Variants in SLC25A48 observed in about 807,000 individuals in gnomAD.
The protein encoded by SLC25A48 is solute carrier family 25 member 48.
SLC25A48 carries 29 observed loss-of-function variants against 32.2 expected under a neutral mutation model. The observed-to-expected ratio is 0.90, with a 90% CI of 0.67 to 1.23. The LOEUF is 1.23. SLC25A48 is among the 50% of genes most tolerant of loss of function. The pLI, the probability that SLC25A48 is intolerant of heterozygous loss-of-function variation, is 0.00. For missense variants in SLC25A48, 399 were observed against 422.7 expected (o/e 0.94, Z 0.49); for synonymous variants, 164 against 172.3 (o/e 0.95, Z 0.38).
At chr5:135,680,028 A>C (rs898769308) in intron 3 of SLC25A48, among the ~76,000 whole-genome samples, 2 of 151,886 alleles carry the variant, frequency 1.3e-5, no homozygotes, top group African/African-American at 4.8e-5. Context: ...CCTTTTTTGC[A>C]CTGGGTTGCC....
intron 3 of SLC25A48, among the ~76,000 whole-genome samples, chr5:135,774,776 AGAG>A (rs1756505366): frequency 6.6e-6 from 1 of 151,524 alleles, no homozygotes; most frequent in Non-Finnish European, 1.5e-5. Context: ...CATAATATCC[AGAG>A]GAGAAGAAGA....
intron 3 of SLC25A48, among the ~76,000 whole-genome samples, chr5:135,780,206 C>T (rs1215021453): frequency 1.1e-5 from 1 of 87,716 alleles, no homozygotes; most frequent in Non-Finnish European, 2.7e-5. Context: ...CCTGCCTCAG[C>T]CTCTCAAGTA....
At chr5:135,589,797 C>T (rs144842632) in intron 1 of SLC25A48, among the ~76,000 whole-genome samples, 1,726 of 152,256 alleles carry the variant, frequency 0.011, 29 homozygotes, top group African/African-American at 0.038. Flanking sequence ...TGGGTTCAAG[C>T]GATTCTCCTG....
chr5:135,607,101 A>G (rs1023664470), intron 1 of SLC25A48, among the ~76,000 whole-genome samples: 1 of 152,050 alleles, frequency 6.6e-6, no homozygotes, highest in African/African-American at 2.4e-5. Context: ...CCTCCTTCTC[A>G]TGCCCCATGG....
intron 3 of SLC25A48, among the ~76,000 whole-genome samples, chr5:135,748,782 G>A (rs957062841): frequency 2.8e-5 from 4 of 142,558 alleles, no homozygotes; most frequent in Non-Finnish European, 6.1e-5. Flanking sequence ...GCAATGGCAC[G>A]ATACTGGCTC....
chr5:135,644,968 A>T (rs538276749), intron 3 of SLC25A48, among the ~76,000 whole-genome samples: 1,839 of 151,564 alleles, frequency 0.012, 50 homozygotes, highest in African/African-American at 0.042. Flanking sequence ...AAATACAAGA[A>T]CTCTTGTATT....
At chr5:135,672,165 A>G (rs1175210606) in intron 3 of SLC25A48, among the ~76,000 whole-genome samples, 3 of 152,228 alleles carry the variant, frequency 2.0e-5, no homozygotes, top group South Asian at 4.1e-4. Flanking sequence ...AGGAAGTTAC[A>G]GCCTCGGAAA....
chr5:135,868,289 G>A (rs951898497), intron 4 of SLC25A48, among the ~76,000 whole-genome samples: 1 of 152,098 alleles, frequency 6.6e-6, no homozygotes, highest in African/African-American at 2.4e-5. Flanking sequence ...GACAAACCCC[G>A]AATCAGGAAA....
chr5:135,807,133 T>C (rs949126508), intron 3 of SLC25A48, among the ~76,000 whole-genome samples: 2 of 150,756 alleles, frequency 1.3e-5, no homozygotes, highest in African/African-American at 4.8e-5. Flanking sequence ...ATCAAAGATA[T>C]CTTATGAATA....
intron 1 of SLC25A48, among the ~76,000 whole-genome samples, chr5:135,619,788 T>C (rs768653313): frequency 2.0e-5 from 3 of 152,192 alleles, no homozygotes; most frequent in Non-Finnish European, 2.9e-5. Flanking sequence ...ATGATTTTCT[T>C]GGTGGCTTGG....
At chr5:135,843,195 G>T (rs770084495) in intron 2 of SLC25A48, among the ~76,000 whole-genome samples, 1 of 152,180 alleles carries the variant, frequency 6.6e-6, no homozygotes, top group African/African-American at 2.4e-5. Context: ...CTCCCCAGGG[G>T]ACATCCCAAT....
chr5:135,596,980 C>T (rs1237808220), intron 1 of SLC25A48, among the ~76,000 whole-genome samples: 1 of 152,164 alleles, frequency 6.6e-6, no homozygotes, highest in Admixed American at 6.5e-5. Context: ...ATGTCTATGA[C>T]TCAGTCGTCT....
chr5:135,662,334 G>A (rs919758140), intron 3 of SLC25A48, among the ~76,000 whole-genome samples: 3 of 152,108 alleles, frequency 2.0e-5, no homozygotes, highest in Non-Finnish European at 4.4e-5. Context: ...GTATTTATTT[G>A]TTTAACTTAA....
intron 2 of SLC25A48, among the ~76,000 whole-genome samples, chr5:135,845,456 C>T (rs978975688): frequency 6.6e-6 from 1 of 152,212 alleles, no homozygotes. Flanking sequence ...AGCCTGAGTG[C>T]CCCTGTTGCA....
chr5:135,886,648 ATGTGTGTG>A (rs70976584), intron 7 of SLC25A48, among the ~76,000 whole-genome samples: 4 of 64,756 alleles, frequency 6.2e-5, no homozygotes, highest in East Asian at 1.3e-3. Context: ...AAATATATAT[ATGTGTGTG>A]TGTGTGTGTG....
chr5:135,712,905 C>T (rs1754701599), intron 3 of SLC25A48, among the ~76,000 whole-genome samples: 1 of 152,208 alleles, frequency 6.6e-6, no homozygotes. Context: ...GACCATCCTC[C>T]ATAGCCACCA....
At chr5:135,694,978 G>A (rs965410283) in intron 3 of SLC25A48, among the ~76,000 whole-genome samples, 3 of 152,180 alleles carry the variant, frequency 2.0e-5, no homozygotes, top group Admixed American at 6.5e-5. Context: ...CATACAGGCT[G>A]GGCATGAGCC....
intron 2 of SLC25A48, among the ~76,000 whole-genome samples, chr5:135,632,178 C>T (rs7701856): frequency 0.088 from 13,423 of 152,230 alleles, 670 homozygotes; most frequent in East Asian, 0.22. Context: ...ATAGAAGATT[C>T]TGTCTTCTGT....
chr5:135,879,481 G>C (rs1018606910), intron 6 of SLC25A48, among the ~76,000 whole-genome samples: 2 of 152,032 alleles, frequency 1.3e-5, no homozygotes, highest in Non-Finnish European at 2.9e-5. Context: ...AGCACAGCTC[G>C]AGTTCTGTTC....
Sources: gnomAD v4.1 joint callset for allele counts (sites outside exome capture counted in the v4.1 genomes callset) on GRCh38, gnomAD v4.1.1 for gene constraint, MANE v1.5 for transcripts, NCBI Gene and HGNC (gene_info 2026-07-23, HGNC 2026-07-21) for gene names.